Variants in TEX9 observed in about 807,000 individuals in gnomAD.
TEX9 encodes the protein testis-expressed protein 9.
Under a neutral mutation model 59.6 loss-of-function variants are expected in TEX9, and 74 were observed. That is an observed-to-expected ratio of 1.24 (90% CI 1.03 to 1.51). The LOEUF (loss-of-function observed/expected upper bound fraction) is 1.51. Among genes scored for constraint, TEX9 ranks in the 40% most tolerant of loss-of-function variants. The pLI is 0.00. For missense variants in TEX9, 522 were observed against 447.8 expected (o/e 1.17, Z -1.49); for synonymous variants, 186 against 152.2 (o/e 1.22, Z -1.64).
intron 1 of TEX9, among the ~76,000 whole-genome samples, chr15:56,305,772 G>C (rs2045468046): frequency 1.3e-5 from 2 of 152,086 alleles, no homozygotes; most frequent in Admixed American, 6.6e-5. Flanking sequence ...ATGGACAAAT[G>C]GGATCACATC....
At chr15:56,440,482 T>C (rs1480701059) in intron 12 of TEX9, among the ~76,000 whole-genome samples, 1 of 152,092 alleles carries the variant, frequency 6.6e-6, no homozygotes, top group East Asian at 1.9e-4. Flanking sequence ...TGCAGAGAAA[T>C]GAAAATTGAT....
chr15:56,430,931 C>G (rs1295074553), intron 12 of TEX9, among the ~76,000 whole-genome samples: 5 of 152,174 alleles, frequency 3.3e-5, no homozygotes, highest in Admixed American at 3.3e-4. Flanking sequence ...GAGGCTGAGG[C>G]AGATGGATCA....
intron 9 of TEX9, among the ~76,000 whole-genome samples, chr15:56,398,515 A>C (rs1237362911): frequency 6.6e-6 from 1 of 152,194 alleles, no homozygotes; most frequent in Non-Finnish European, 1.5e-5. Flanking sequence ...TATGCACCCA[A>C]GCTCTGTCAC....
the TEX9 span, among the ~76,000 whole-genome samples, chr15:56,455,500 GTA>G: frequency 6.6e-6 from 1 of 152,112 alleles, no homozygotes; most frequent in East Asian, 1.9e-4. Flanking sequence ...CATGTTTCCT[GTA>G]ATATTCTACA....
chr15:56,401,442 ACTAT>A (rs1428284593), intron 9 of TEX9, among the ~76,000 whole-genome samples: 1 of 152,206 alleles, frequency 6.6e-6, no homozygotes, highest in African/African-American at 2.4e-5. Context: ...AGAAGAGCTA[ACTAT>A]CCTAAATATT....
rs199974714 is a variant in TEX9, at chr15:56,365,549, C to T, written c.28-30C>T. 8 of 1,614,214 alleles carry T rather than the reference C, an allele frequency of 5.0e-6. No homozygotes were observed. In the East Asian group the frequency reaches 1.3e-4, roughly 27 times the overall value. ...TAGGACGCCTAACTTCCTTTAACTT[C>T]GGGTCTGAAAGTCTGTGGCTCTTTT... On this transcript the variant is annotated intron_variant, in intron 1 of 12. Coordinates refer to ENST00000352903, the Ensembl canonical transcript of TEX9.
chr15:56,390,077 AATAACTTTT>A (rs2048134545), intron 6 of TEX9, among the ~76,000 whole-genome samples: 1 of 151,844 alleles, frequency 6.6e-6, no homozygotes. Context: ...TAATTGTTTA[AATAACTTTT>A]TTTTTTTAAT....
At chr15:56,312,616 T>C (rs1269934572) in intron 1 of TEX9, among the ~76,000 whole-genome samples, 1 of 147,268 alleles carries the variant, frequency 6.8e-6, no homozygotes, top group African/African-American at 2.6e-5. Flanking sequence ...TAGGATTGAC[T>C]TGGTGATGCG....
intron 1 of TEX9, among the ~76,000 whole-genome samples, chr15:56,273,327 A>G (rs887997573): frequency 3.3e-5 from 5 of 152,202 alleles, no homozygotes; most frequent in Admixed American, 3.3e-4. Context: ...TGGTTGACAT[A>G]GAATTTATAA....
At chr15:56,349,644 C>T (rs1327746859) in intron 1 of TEX9, among the ~76,000 whole-genome samples, 2 of 152,036 alleles carry the variant, frequency 1.3e-5, no homozygotes, top group Non-Finnish European at 2.9e-5. Flanking sequence ...AATGCCTGTT[C>T]TTGGTCATTC....
chr15:56,413,291 A>AT (rs56187869), intron 10 of TEX9, among the ~76,000 whole-genome samples: 144,359 of 146,214 alleles, frequency 0.99, 71,254 homozygotes, highest in South Asian at 1. Flanking sequence ...TAATTTAATA[A>AT]TAAATTATTT....
At chr15:56,417,385 C>G (rs2049748161) in intron 10 of TEX9, among the ~76,000 whole-genome samples, 1 of 151,814 alleles carries the variant, frequency 6.6e-6, no homozygotes, top group African/African-American at 2.4e-5. Context: ...TCTAGAGATT[C>G]TGGTATGTTA....
chr15:56,254,508 C>T (rs1454163571), intron 1 of TEX9, among the ~76,000 whole-genome samples: 1 of 151,454 alleles, frequency 6.6e-6, no homozygotes, highest in African/African-American at 2.4e-5. Flanking sequence ...CACAGGGAGG[C>T]TCCTCACTCT....
chr15:56,324,013 A>G (rs1446955871), intron 1 of TEX9, among the ~76,000 whole-genome samples: 1 of 152,110 alleles, frequency 6.6e-6, no homozygotes, highest in African/African-American at 2.4e-5. Flanking sequence ...ATAGCCACAA[A>G]CCTGGCCTGG....
chr15:56,364,462 TTTTC>T (rs1421697212), upstream of TEX9, among the ~76,000 whole-genome samples: 2 of 130,882 alleles, frequency 1.5e-5, no homozygotes, highest in Non-Finnish European at 1.7e-5. Flanking sequence ...CTCTTTTTTC[TTTTC>T]TTTTTTTTTT....
chr15:56,329,616 A>C (rs2046099638), intron 1 of TEX9, among the ~76,000 whole-genome samples: 1 of 152,228 alleles, frequency 6.6e-6, no homozygotes, highest in South Asian at 2.1e-4. Flanking sequence ...AAAATCAAGC[A>C]GAAATTCTGG....
chr15:56,357,313 C>T (rs1160505832), intron 1 of TEX9, among the ~76,000 whole-genome samples: 1 of 152,104 alleles, frequency 6.6e-6, no homozygotes, highest in African/African-American at 2.4e-5. Context: ...AAAACACCTA[C>T]TTTAATTGCT....
At chr15:56,368,565 T>C (rs2047049643) in intron 2 of TEX9, among the ~76,000 whole-genome samples, 1 of 152,134 alleles carries the variant, frequency 6.6e-6, no homozygotes, top group Non-Finnish European at 1.5e-5. Flanking sequence ...AAGGGGATTC[T>C]TTTTGTCTAT....
chr15:56,401,228 A>G (rs1474336346), intron 9 of TEX9, among the ~76,000 whole-genome samples: 1 of 147,548 alleles, frequency 6.8e-6, no homozygotes, highest in East Asian at 2.1e-4. Flanking sequence ...TGCTGTATTC[A>G]GGAGACCCAT....
Sources: allele counts gnomAD v4.1 joint callset (sites outside exome capture counted in the v4.1 genomes callset), GRCh38; gene constraint gnomAD v4.1.1; transcripts MANE v1.5; gene names NCBI Gene and HGNC (gene_info 2026-07-23, HGNC 2026-07-21).